PRKCE: variants seen among roughly 807,000 people sequenced by gnomAD.
PRKCE encodes the protein protein kinase C epsilon.
A neutral mutation model predicts 85.4 loss-of-function variants in PRKCE; 16 were observed. The ratio of observed to expected loss-of-function variants is 0.19; its 90% CI spans 0.13 to 0.28. PRKCE has a LOEUF of 0.28. Among genes scored for constraint, PRKCE ranks in the 10% least tolerant of loss-of-function variants. The pLI is 1.00. For synonymous variants in PRKCE, 388 were observed against 371.5 expected (o/e 1.04, Z -0.51); for missense variants, 573 against 975.2 (o/e 0.59, Z 5.49).
At chr2:45,919,877 C>T (rs1195367479) in intron 2 of PRKCE, among the ~76,000 whole-genome samples, 1 of 152,218 alleles carries the variant, frequency 6.6e-6, no homozygotes, top group Non-Finnish European at 1.5e-5. Context: ...TCTCATGGCT[C>T]AGGCGAACAC....
At chr2:45,946,378 C>G (rs1700245820) in intron 2 of PRKCE, among the ~76,000 whole-genome samples, 1 of 152,202 alleles carries the variant, frequency 6.6e-6, no homozygotes, top group Non-Finnish European at 1.5e-5. Flanking sequence ...ATAAATGACC[C>G]AAGTCAGAAC....
intron 2 of PRKCE, among the ~76,000 whole-genome samples, chr2:45,932,683 G>A (rs1009233302): frequency 6.6e-6 from 1 of 152,088 alleles, no homozygotes; most frequent in Admixed American, 6.5e-5. Context: ...TTGTTCAGTG[G>A]GATTTAGTGT....
At chr2:45,733,552 G>A (rs1196562067) in intron 1 of PRKCE, among the ~76,000 whole-genome samples, 2 of 152,182 alleles carry the variant, frequency 1.3e-5, no homozygotes, top group East Asian at 1.9e-4. Context: ...GGGGAGGTGC[G>A]GAGTGGCCAG....
At position 46,032,648 on chromosome 2, in the gene PRKCE, G is replaced by A. The variant is rs138098058; in HGVS notation, c.1437+22131G>A. Among the ~76,000 whole-genome samples the A allele has an allele frequency of 2.0e-5, 3 of 152,326 alleles. No homozygotes were observed. The East Asian group carries it at 5.8e-4, about 29-fold the overall frequency. On this transcript the variant is annotated intron_variant, in intron 10 of 14. Transcript: ENST00000306156. ...GAAAAAATGCCCAGGCAACAATGGTGTGTTGATGCTTGGAGTCAGGCTGGC... is the reference window on the plus strand; with the variant it reads ...GAAAAAATGCCCAGGCAACAATGGTATGTTGATGCTTGGAGTCAGGCTGGC...
chr2:45,893,257 G>C (rs1695869203), intron 2 of PRKCE, among the ~76,000 whole-genome samples: 1 of 152,148 alleles, frequency 6.6e-6, no homozygotes, highest in South Asian at 2.1e-4. Flanking sequence ...AATGACTGCA[G>C]TCCGGCAGGG....
At chr2:45,879,208 G>T (rs144337494) in intron 2 of PRKCE, among the ~76,000 whole-genome samples, 88 of 152,342 alleles carry the variant, frequency 5.8e-4, no homozygotes, top group Middle Eastern at 3.4e-3. Context: ...GAGAGAAGCA[G>T]CTCGACTTCA....
intron 2 of PRKCE, among the ~76,000 whole-genome samples, chr2:45,958,613 C>T (rs11682903): frequency 0.12 from 17,854 of 149,498 alleles, 1,596 homozygotes; most frequent in East Asian, 0.32. Context: ...CCTGGCCTCT[C>T]ACACACCCCC....
At chr2:46,081,569 C>T (rs960814749) in intron 10 of PRKCE, among the ~76,000 whole-genome samples, 2 of 152,128 alleles carry the variant, frequency 1.3e-5, no homozygotes, top group African/African-American at 4.8e-5. Context: ...CTGACCTTGT[C>T]AGAGAAGTCA....
Position 45,867,622 on chromosome 2 carries a change from T to A in PRKCE, c.412+24559T>A, listed in dbSNP as rs914410360. On this transcript the variant is annotated intron_variant, in intron 2 of 14. Coordinates refer to ENST00000306156, the MANE Select transcript of PRKCE (RefSeq NM_005400.3). ...TTTTAAAATTCGGTGGAGGAATATC[T>A]CCTCATTGATTTAGATCTTTGATTT... 7.2e-5 allele frequency among the ~76,000 whole-genome samples: 11 copies of A among 152,234 alleles called. No individual in the cohort carries two copies. The East Asian group carries it at 1.7e-3, about 24-fold the overall frequency.
At chr2:46,009,462 G>A (rs893875520) in intron 9 of PRKCE, among the ~76,000 whole-genome samples, 5 of 152,148 alleles carry the variant, frequency 3.3e-5, no homozygotes, top group African/African-American at 1.2e-4. Context: ...AGTAAAAATA[G>A]CATCAAGGTA....
At chr2:45,699,603 A>T (rs948167061) in intron 1 of PRKCE, among the ~76,000 whole-genome samples, 1 of 152,168 alleles carries the variant, frequency 6.6e-6, no homozygotes, top group Non-Finnish European at 1.5e-5. Flanking sequence ...CTCTGCTGTC[A>T]TCTGTACAGA....
intron 2 of PRKCE, among the ~76,000 whole-genome samples, chr2:45,961,311 T>C (rs1056292071): frequency 2.6e-5 from 4 of 152,212 alleles, no homozygotes; most frequent in African/African-American, 9.6e-5. Flanking sequence ...TTACCCTGAC[T>C]TTCTCCTGCT....
intron 11 of PRKCE, among the ~76,000 whole-genome samples, chr2:46,103,883 G>A (rs942461709): frequency 2.0e-5 from 3 of 152,170 alleles, no homozygotes; most frequent in African/African-American, 7.2e-5. Context: ...GGTTGGCAGA[G>A]ATGGAAAGGA....
intron 1 of PRKCE, among the ~76,000 whole-genome samples, chr2:45,835,508 G>A (rs1690784899): frequency 1.3e-5 from 2 of 151,930 alleles, no homozygotes; most frequent in Admixed American, 6.6e-5. Flanking sequence ...CTAGAACATC[G>A]TAGAAGTGGA....
At chr2:45,731,279 G>A (rs1681551024) in intron 1 of PRKCE, among the ~76,000 whole-genome samples, 3 of 152,210 alleles carry the variant, frequency 2.0e-5, no homozygotes, top group Non-Finnish European at 4.4e-5. Context: ...TGGGCTCAGA[G>A]CATTCACTTA....
Position 45,744,471 on chromosome 2 carries a change from T to TTC in PRKCE, c.348+92025_348+92026dup, listed in dbSNP as rs750415704. Among the ~76,000 whole-genome samples the TTC allele has an allele frequency of 5.9e-3, 346 of 58,270 alleles. 11 individuals carry two copies. The highest frequency in any genetic ancestry group is 8.9e-3 in the Non-Finnish European group (257 of 28,722). 38.2% of individuals were successfully genotyped at this position (58,270 alleles called of 152,430 possible). Reference sequence around the variant, plus strand: ...TTTCTTTCTTTCTTTCTTTCTTTCTTTCTTTCTTTCTTTCTTTTTCTTTCT... The same window carrying TTC: ...TTTCTTTCTTTCTTTCTTTCTTTCTTTCTCTTTCTTTCTTTCTTTTTCTTTCT... On this transcript the variant is annotated intron_variant, in intron 1 of 14. Transcript: ENST00000306156.
At chr2:45,995,040 T>C (rs866042109) in intron 6 of PRKCE, among the ~76,000 whole-genome samples, 7 of 152,332 alleles carry the variant, frequency 4.6e-5, no homozygotes, top group Middle Eastern at 3.4e-3. Flanking sequence ...TAATGACACA[T>C]GAAGTGGAGC....
chr2:45,771,765 A>G (rs1685358991), intron 1 of PRKCE, among the ~76,000 whole-genome samples: 1 of 151,158 alleles, frequency 6.6e-6, no homozygotes, highest in Non-Finnish European at 1.5e-5. Context: ...GGCTAACACC[A>G]GTGGCAGGCA....
intron 10 of PRKCE, among the ~76,000 whole-genome samples, chr2:46,070,292 C>G (rs1393676449): frequency 6.6e-6 from 1 of 152,176 alleles, no homozygotes; most frequent in South Asian, 2.1e-4. Context: ...TGTGTGGACC[C>G]TCAATACACA....
Sources: allele counts gnomAD v4.1 joint callset (sites outside exome capture counted in the v4.1 genomes callset), GRCh38; gene constraint gnomAD v4.1.1; transcripts MANE v1.5; gene names NCBI Gene and HGNC (gene_info 2026-07-23, HGNC 2026-07-21).